Variants in EEF1AKMT1 observed in about 807,000 individuals in gnomAD.
EEF1AKMT1 encodes EEF1A lysine methyltransferase 1.
EEF1AKMT1 carries 18 observed loss-of-function variants against 21.0 expected under a neutral mutation model. The observed-to-expected ratio is 0.86, with a 90% CI of 0.59 to 1.27. The LOEUF is 1.27. Ranked by LOEUF, EEF1AKMT1 falls within the 50% of genes most tolerant of loss-of-function variation. The probability of loss-of-function intolerance (pLI) is 0.00; values close to 1 mark genes in which losing one functional copy is unlikely to be tolerated. For synonymous variants in EEF1AKMT1, 109 were observed against 94.8 expected, an observed-to-expected ratio of 1.15 and a Z score of -0.87; for missense variants, 246 against 258.6, an observed-to-expected ratio of 0.95 and a Z score of 0.33.
At chr13:20,757,900 G>T (rs984176458) in intron 1 of EEF1AKMT1, among the ~76,000 whole-genome samples, 1 of 152,108 alleles carries the variant, frequency 6.6e-6, no homozygotes, top group Non-Finnish European at 1.5e-5. Context: ...TTAAAACAGA[G>T]ATCTTAAGAG....
chr13:20,744,264 T>C (rs2058890170), intron 2 of EEF1AKMT1, among the ~76,000 whole-genome samples: 1 of 152,210 alleles, frequency 6.6e-6, no homozygotes, highest in African/African-American at 2.4e-5. Flanking sequence ...CGCCACACTG[T>C]TTTCCACAAT....
intron 2 of EEF1AKMT1, chr13:20,747,459 ATTCT>A: frequency 1.5e-5 from 1 of 65,718 alleles, no homozygotes; most frequent in Admixed American, 1.5e-4. Flanking sequence ...AGTTAGGCAC[ATTCT>A]TTTTTTTTTT....
At position 20,737,781 on chromosome 13, in the gene EEF1AKMT1, GACTAT is replaced by G; in HGVS notation, c.164_168del (p.Tyr55SerfsTer28). On this transcript the variant is annotated frameshift_variant, in exon 3 of 5. Coordinates refer to ENST00000382758, the MANE Select transcript of EEF1AKMT1 (RefSeq NM_001318939.2). ...TGTGCCAGCTGCAGAGCAGTTTCCTGACTATACCAAAACTGGCTCAGTTGCTGTAA... is the reference window on the plus strand; with the variant it reads ...TGTGCCAGCTGCAGAGCAGTTTCCTGACCAAAACTGGCTCAGTTGCTGTAA... The G allele has an allele frequency of 6.2e-7, 1 of 1,612,816 alleles. No individual in the cohort carries two copies. The highest frequency in any genetic ancestry group is 8.5e-7 in the Non-Finnish European group (1 of 1,179,430).
At chr13:20,731,056 C>T (rs567042626) in intron 4 of EEF1AKMT1, among the ~76,000 whole-genome samples, 1 of 152,314 alleles carries the variant, frequency 6.6e-6, no homozygotes, top group African/African-American at 2.4e-5. Flanking sequence ...TGTAACACCA[C>T]GAGGTCTGTG....
chr13:20,738,747 T>C (rs549800077), intron 2 of EEF1AKMT1, among the ~76,000 whole-genome samples: 1 of 152,364 alleles, frequency 6.6e-6, no homozygotes, highest in South Asian at 2.1e-4. Flanking sequence ...ACATACTGTG[T>C]AATTCTGTTT....
intron 1 of EEF1AKMT1, among the ~76,000 whole-genome samples, chr13:20,765,984 T>C (rs777985231): frequency 2.0e-5 from 3 of 151,738 alleles, no homozygotes; most frequent in Non-Finnish European, 4.4e-5. Flanking sequence ...TAGGCATATA[T>C]GAAAAGATGC....
chr13:20,756,223 G>A (rs1324400332), intron 2 of EEF1AKMT1, among the ~76,000 whole-genome samples: 1 of 151,918 alleles, frequency 6.6e-6, no homozygotes, highest in African/African-American at 2.4e-5. Flanking sequence ...ATTATCAAGG[G>A]GTAGTCACAG....
At chr13:20,768,692 A>G (rs1345037527) in intron 1 of EEF1AKMT1, among the ~76,000 whole-genome samples, 1 of 151,730 alleles carries the variant, frequency 6.6e-6, no homozygotes, top group African/African-American at 2.4e-5. Context: ...GGACACCTCA[A>G]TCTTTTGAAG....
chr13:20,765,764 T>A (rs2059027540), intron 1 of EEF1AKMT1, among the ~76,000 whole-genome samples: 1 of 151,990 alleles, frequency 6.6e-6, no homozygotes, highest in South Asian at 2.1e-4. Context: ...ATATGTTTCT[T>A]GAATTTTTTT....
In EEF1AKMT1 at chr13:20,738,871, G is replaced by A. The variant is rs991452530; in HGVS notation, c.145-1066C>T. 1.8e-4 allele frequency among the ~76,000 whole-genome samples: 28 copies of A among 152,078 alleles called. 1 individual carries two copies. Among genetic ancestry groups the A allele is most frequent in the African/African-American group, 6.0e-4 (25 of 41,332 alleles). ...GCTGAAAAACATATGGTTTCTTTTAGACGCAACGAAAATGTTCTAAAATTG... is the reference window on the plus strand; with the variant it reads ...GCTGAAAAACATATGGTTTCTTTTAAACGCAACGAAAATGTTCTAAAATTG... On this transcript the variant is annotated intron_variant, in intron 2 of 4. Coordinates refer to ENST00000382758, the MANE Select transcript of EEF1AKMT1 (RefSeq NM_001318939.2).
intron 2 of EEF1AKMT1, among the ~76,000 whole-genome samples, chr13:20,744,237 C>A (rs2058889891): frequency 6.6e-6 from 1 of 152,174 alleles, no homozygotes; most frequent in African/African-American, 2.4e-5. Flanking sequence ...ATTTCTCGTT[C>A]TAGAGCCTTG....
At chr13:20,734,544 T>A (rs1192000561) in intron 3 of EEF1AKMT1, among the ~76,000 whole-genome samples, 4 of 152,188 alleles carry the variant, frequency 2.6e-5, no homozygotes, top group African/African-American at 9.7e-5. Context: ...CAGTAAGCAC[T>A]CAATAAATGC....
At chr13:20,758,276 C>T (rs2058981434) in intron 1 of EEF1AKMT1, among the ~76,000 whole-genome samples, 1 of 152,212 alleles carries the variant, frequency 6.6e-6, no homozygotes, top group Admixed American at 6.5e-5. Context: ...AATCCAGACA[C>T]TCCTTTCCAT....
chr13:20,739,713 C>G (rs999478646), intron 2 of EEF1AKMT1, among the ~76,000 whole-genome samples: 2 of 152,160 alleles, frequency 1.3e-5, no homozygotes, highest in Admixed American at 6.5e-5. Flanking sequence ...AAAAGTTCTC[C>G]AAGTCCCCAC....
chr13:20,764,791 T>C (rs901325256), intron 1 of EEF1AKMT1, among the ~76,000 whole-genome samples: 3 of 151,956 alleles, frequency 2.0e-5, no homozygotes, highest in Non-Finnish European at 4.4e-5. Context: ...TTTACTCTTA[T>C]AAGTCTACTT....
intron 2 of EEF1AKMT1, among the ~76,000 whole-genome samples, chr13:20,748,309 G>A (rs1318296763): frequency 1.3e-5 from 2 of 151,986 alleles, no homozygotes; most frequent in East Asian, 1.9e-4. Flanking sequence ...GGTGGCGGGC[G>A]CCTGTAGTCC....
At chr13:20,751,916 A>G (rs1328769125) in intron 2 of EEF1AKMT1, among the ~76,000 whole-genome samples, 1 of 152,106 alleles carries the variant, frequency 6.6e-6, no homozygotes, top group Non-Finnish European at 1.5e-5. Flanking sequence ...TATTGTAAAC[A>G]GGATTGCCTT....
At chr13:20,739,225 G>A (rs138713715) in intron 2 of EEF1AKMT1, among the ~76,000 whole-genome samples, 62 of 152,298 alleles carry the variant, frequency 4.1e-4, no homozygotes, top group Non-Finnish European at 7.5e-4. Context: ...TGAAGCTGGA[G>A]ACCTTCACGG....
chr13:20,751,702 T>C (rs2058941713), intron 2 of EEF1AKMT1, among the ~76,000 whole-genome samples: 1 of 151,952 alleles, frequency 6.6e-6, no homozygotes, highest in Non-Finnish European at 1.5e-5. Context: ...ATGACATTAG[T>C]ATTGATAGGG....
Sources: gnomAD v4.1 joint callset for allele counts (sites outside exome capture counted in the v4.1 genomes callset) on GRCh38, gnomAD v4.1.1 for gene constraint, MANE v1.5 for transcripts, NCBI Gene and HGNC (gene_info 2026-07-23, HGNC 2026-07-21) for gene names.